Variants in SYBU observed in about 807,000 individuals in gnomAD.
SYBU encodes GOLSYN A protein.
A neutral mutation model predicts 35.9 loss-of-function variants in SYBU; 21 were observed. That is an observed-to-expected ratio of 0.58 (90% CI 0.41 to 0.84). The LOEUF (loss-of-function observed/expected upper bound fraction) is 0.84. SYBU is among the 40% of genes least tolerant of loss of function. The pLI, the probability that SYBU is intolerant of heterozygous loss-of-function variation, is 0.00. For missense variants in SYBU, 768 were observed against 848.2 expected (o/e 0.91, Z 1.17); for synonymous variants, 319 against 324.3 (o/e 0.98, Z 0.18).
chr8:109,634,068 G>A (rs564628026), intron 2 of SYBU, among the ~76,000 whole-genome samples: 6 of 152,106 alleles, frequency 3.9e-5, no homozygotes, highest in African/African-American at 1.2e-4. Context: ...TAGGCTGCTC[G>A]TTTTTATGAT....
chr8:109,613,677 A>G (rs1379823652), intron 3 of SYBU, among the ~76,000 whole-genome samples: 2 of 152,196 alleles, frequency 1.3e-5, no homozygotes, highest in African/African-American at 4.8e-5. Flanking sequence ...ACTCTAGGTA[A>G]GTTGTCTAGC....
rs187842809 is a variant in SYBU at position 109,623,224 on chromosome 8, C to T, written c.230-4185G>A. Among the ~76,000 whole-genome samples, 132 of 152,232 alleles carry T rather than the reference C, an allele frequency of 8.7e-4. 1 individual carries two copies. Among genetic ancestry groups the T allele is most frequent in the Non-Finnish European group, 1.1e-3 (76 of 68,008 alleles). On this transcript the variant is annotated intron_variant, in intron 2 of 6. Transcript: ENST00000276646. ...GCTGCTATTTTAAATCCTCCTTAGACGGGTCCAAGATAGCCTCTGGTGGAA... is the reference window on the plus strand; with the variant it reads ...GCTGCTATTTTAAATCCTCCTTAGATGGGTCCAAGATAGCCTCTGGTGGAA...
chr8:109,586,137 C>G lies in SYBU; in HGVS notation c.453G>C (p.Ser151=), dbSNP rs772984615. ...KPGSEADFSS[S]SSTGSISAPE... is the part of the protein sequence containing the mutation. ...GAGCGGAAATGCTGCCTGTGCTGCT[C>G]GAGGAGCTAAAATCAGCTTCACTAC... The change falls in exon 4 of 7, where the codon TCG becomes TCC. Residue 151 remains serine (S), a synonymous_variant. Coordinates refer to ENST00000276646, the MANE Select transcript of SYBU (RefSeq NM_001099754.2). The G allele has an allele frequency of 5.0e-6, 8 of 1,609,746 alleles. No homozygotes were observed. The highest frequency in any genetic ancestry group is 1.7e-5 in the Admixed American group (1 of 59,476).
chr8:109,632,856 G>A (rs1336951843), intron 2 of SYBU, among the ~76,000 whole-genome samples: 3 of 152,200 alleles, frequency 2.0e-5, no homozygotes, highest in Non-Finnish European at 4.4e-5. Flanking sequence ...TCCTTGTGCT[G>A]ACAAGCAATG....
At chr8:109,581,345 C>A (rs958490234) in intron 4 of SYBU, among the ~76,000 whole-genome samples, 3 of 152,192 alleles carry the variant, frequency 2.0e-5, no homozygotes, top group African/African-American at 7.2e-5. Flanking sequence ...CACACATGCA[C>A]ACACACACCC....
chr8:109,586,632 C>G (rs1823653334), intron 3 of SYBU: 1 of 154,404 alleles, frequency 6.5e-6, no homozygotes, highest in Admixed American at 6.3e-5. Context: ...GACAGTTAAC[C>G]AATGAGAGGC....
At chr8:109,664,074 T>C (rs772615930) in intron 1 of SYBU, among the ~76,000 whole-genome samples, 2 of 152,182 alleles carry the variant, frequency 1.3e-5, no homozygotes, top group Non-Finnish European at 2.9e-5. Context: ...GTAAATCACA[T>C]ACAATGTATT....
At chr8:109,636,017 C>T (rs2130574572) in intron 2 of SYBU, among the ~76,000 whole-genome samples, 1 of 152,254 alleles carries the variant, frequency 6.6e-6, no homozygotes, top group African/African-American at 2.4e-5. Flanking sequence ...TTCTAGAGTT[C>T]CCTCTGTTGT....
chr8:109,680,949 T>C (rs1455113736), exon 1 of SYBU: 1 of 152,266 alleles, frequency 6.6e-6, no homozygotes, highest in Non-Finnish European at 1.5e-5. Flanking sequence ...CATTCCTGCT[T>C]ACTCAGGGAA....
In SYBU at chr8:109,675,520, A is replaced by G. The variant is rs139009741; in HGVS notation, c.-129+5191T>C. 8.9e-3 allele frequency among the ~76,000 whole-genome samples: 1,360 copies of G among 152,316 alleles called. 27 individuals are homozygous for G. The highest frequency in any genetic ancestry group is 0.031 in the African/African-American group (1,306 of 41,562). On this transcript the variant is annotated intron_variant, in intron 1 of 5. Coordinates refer to the SYBU transcript ENST00000408889. ...GAATACTATAAACACCTCTACACAT[A>G]TAAACTAGAAAATACAGAAGAAATG...
chr8:109,682,705 AC>A (rs1423333620), upstream of SYBU, among the ~76,000 whole-genome samples: 4 of 152,218 alleles, frequency 2.6e-5, no homozygotes, highest in African/African-American at 9.6e-5. Context: ...AGTGTTAATC[AC>A]CAAGACAATG....
upstream of SYBU, chr8:109,644,840 C>T (rs1230370099): frequency 3.4e-6 from 2 of 592,682 alleles, no homozygotes; most frequent in Non-Finnish European, 5.4e-6. Context: ...GAGGGCACGC[C>T]CGACCCCGCC....
At chr8:109,637,596 C>T (rs1180139647) in intron 2 of SYBU, among the ~76,000 whole-genome samples, 2 of 151,464 alleles carry the variant, frequency 1.3e-5, no homozygotes, top group African/African-American at 4.8e-5. Flanking sequence ...TTTTTAAATT[C>T]ACAGGAGGGT....
At chr8:109,635,447 C>T (rs1814118624) in intron 2 of SYBU, among the ~76,000 whole-genome samples, 1 of 152,164 alleles carries the variant, frequency 6.6e-6, no homozygotes, top group Admixed American at 6.5e-5. Flanking sequence ...TAATTTTCTT[C>T]CCCATGCACT....
At chr8:109,675,990 C>T (rs1245252611) in intron 1 of SYBU, among the ~76,000 whole-genome samples, 1 of 152,150 alleles carries the variant, frequency 6.6e-6, no homozygotes, top group Non-Finnish European at 1.5e-5. Flanking sequence ...TTAACATATG[C>T]AAATCAATAA....
intron 1 of SYBU, among the ~76,000 whole-genome samples, chr8:109,650,262 A>G (rs561521824): frequency 2.0e-5 from 3 of 152,236 alleles, no homozygotes. Context: ...GAGTTACATT[A>G]AAAACAATAT....
At position 109,628,579 on chromosome 8, in the gene SYBU, G is replaced by A. The variant is rs370697950; in HGVS notation, c.230-9540C>T. ...GCTGGTCTCCAACTCCTGGGCTCAA[G>A]TGATCCTTCCACCTCAGCCTTTCAA... On this transcript the variant is annotated intron_variant, in intron 2 of 6. Transcript: ENST00000276646. 7.9e-5 allele frequency among the ~76,000 whole-genome samples: 12 copies of A among 152,288 alleles called. No individual in the cohort carries two copies. The East Asian group carries it at 1.5e-3, about 20-fold the overall frequency.
chr8:109,598,541 C>T (rs572346834), intron 3 of SYBU, among the ~76,000 whole-genome samples: 9 of 152,268 alleles, frequency 5.9e-5, no homozygotes, highest in Middle Eastern at 3.4e-3. Flanking sequence ...GAGAATTAAA[C>T]GCCATAATAT....
upstream of SYBU, among the ~76,000 whole-genome samples, chr8:109,682,632 A>G (rs1817427587): frequency 6.6e-6 from 1 of 152,180 alleles, no homozygotes; most frequent in African/African-American, 2.4e-5. Flanking sequence ...AGAAAAGAAA[A>G]ACCCATTTTC....
Sources: gnomAD v4.1 joint callset for allele counts (sites outside exome capture counted in the v4.1 genomes callset) on GRCh38, gnomAD v4.1.1 for gene constraint, MANE v1.5 for transcripts, NCBI Gene and HGNC (gene_info 2026-07-23, HGNC 2026-07-21) for gene names.